DPYSL2: variants seen among roughly 807,000 people sequenced by gnomAD.
DPYSL2 encodes dihydropyrimidinase-related protein 2.
A neutral mutation model predicts 69.9 loss-of-function variants in DPYSL2; 13 were observed. The ratio of observed to expected loss-of-function variants is 0.19; its 90% CI spans 0.12 to 0.30. The LOEUF is 0.30. DPYSL2 is among the 10% of genes least tolerant of loss of function. The pLI is 1.00. For synonymous variants in DPYSL2, 326 were observed against 359.1 expected (o/e 0.91, Z 1.04); for missense variants, 587 against 918.9 (o/e 0.64, Z 4.67).
chr8:26,558,452 T>C (rs1801023767), intron 1 of DPYSL2, among the ~76,000 whole-genome samples: 1 of 152,108 alleles, frequency 6.6e-6, no homozygotes, highest in African/African-American at 2.4e-5. Context: ...AGAGCAATAG[T>C]AGGTAGAGCA....
intron 1 of DPYSL2, among the ~76,000 whole-genome samples, chr8:26,554,460 G>A (rs968110257): frequency 6.6e-6 from 1 of 150,922 alleles, no homozygotes. Flanking sequence ...TTCCCATTCT[G>A]TAAGTTGTCT....
At chr8:26,538,794 C>T (rs1042535489) in intron 1 of DPYSL2, among the ~76,000 whole-genome samples, 16 of 152,202 alleles carry the variant, frequency 1.1e-4, no homozygotes, top group Non-Finnish European at 2.1e-4. Flanking sequence ...AGTGTATTTA[C>T]ATGCCAGACC....
intron 1 of DPYSL2, among the ~76,000 whole-genome samples, chr8:26,522,145 C>T (rs937523244): frequency 2.6e-5 from 4 of 152,118 alleles, no homozygotes; most frequent in Non-Finnish European, 5.9e-5. Flanking sequence ...CCATCTCTAC[C>T]GAAAATACAA....
chr8:26,602,138 A>ATTTTTTTTTTTT (rs374443692), intron 3 of DPYSL2, among the ~76,000 whole-genome samples: 5 of 135,300 alleles, frequency 3.7e-5, no homozygotes, highest in Non-Finnish European at 4.7e-5. Context: ...AACAAAGGAA[A>ATTTTTTTTTTTT]TTTTTTTTTT....
chr8:26,602,268 T>C (rs1182895811), intron 3 of DPYSL2, among the ~76,000 whole-genome samples: 1 of 151,990 alleles, frequency 6.6e-6, no homozygotes, highest in Non-Finnish European at 1.5e-5. Context: ...GTTAGCTTAA[T>C]ACAGGAAAAC....
At chr8:26,515,080 G>A (rs576944639) in intron 1 of DPYSL2, among the ~76,000 whole-genome samples, 11 of 152,348 alleles carry the variant, frequency 7.2e-5, no homozygotes, top group African/African-American at 2.4e-4. Flanking sequence ...AGAGCGTGCG[G>A]TGGAGGCTTT....
At chr8:26,578,769 G>A (rs966348248) in intron 1 of DPYSL2, among the ~76,000 whole-genome samples, 1 of 152,192 alleles carries the variant, frequency 6.6e-6, no homozygotes, top group African/African-American at 2.4e-5. Flanking sequence ...AGCCTTCTCC[G>A]GGTCCTTGGA....
intron 1 of DPYSL2, among the ~76,000 whole-genome samples, chr8:26,557,864 C>T (rs1247253195): frequency 5.9e-5 from 9 of 151,830 alleles, no homozygotes; most frequent in Admixed American, 5.9e-4. Flanking sequence ...AACATTCATC[C>T]TGGATTTTCA....
At position 26,654,144 on chromosome 8, in the gene DPYSL2, A is replaced by G. The variant is rs1162178608; in HGVS notation, c.1942+747A>G. 6.6e-6 allele frequency among the ~76,000 whole-genome samples: 1 copy of G among 152,164 alleles called. No homozygotes were observed. Among genetic ancestry groups the G allele is most frequent in the Non-Finnish European group, 1.5e-5 (1 of 68,034 alleles). On this transcript the variant is annotated intron_variant, in intron 13 of 13. Coordinates refer to ENST00000521913, the MANE Select transcript of DPYSL2 (RefSeq NM_001197293.3). This position sits in a 1 kb window ranked among gnomAD's most constrained non-coding sequence, Gnocchi z 5.0. ...GTCTCCTCACCTGTATAATGGCAAT[A>G]ATAGTAGTTGCTCCCCCGTGAGGTT...
rs1801788045 is a variant in DPYSL2 at position 26,593,524 on chromosome 8, T to C, written c.628+9541T>C. Among the ~76,000 whole-genome samples the C allele has an allele frequency of 1.3e-5, 2 of 152,238 alleles. No individual in the cohort carries two copies. Among genetic ancestry groups the C allele is most frequent in the Non-Finnish European group, 2.9e-5 (2 of 68,038 alleles). On this transcript the variant is annotated intron_variant, in intron 3 of 13. Transcript: ENST00000521913. This position sits in a 1 kb window ranked among gnomAD's most constrained non-coding sequence, Gnocchi z 5.7. Reference sequence around the variant, plus strand: ...GAAGGGAGTGGGATCACACTGTTGCTATCTGGCCAGGGTGGAGTCTACAGC... The same window carrying C: ...GAAGGGAGTGGGATCACACTGTTGCCATCTGGCCAGGGTGGAGTCTACAGC...
chr8:26,600,872 T>C (rs986463015), intron 3 of DPYSL2, among the ~76,000 whole-genome samples: 3 of 152,228 alleles, frequency 2.0e-5, no homozygotes, highest in African/African-American at 7.2e-5. Context: ...AATCCTGTTT[T>C]GCTCCCTTTT....
intron 3 of DPYSL2, among the ~76,000 whole-genome samples, chr8:26,606,100 G>A (rs1237671142): frequency 6.6e-6 from 1 of 152,164 alleles, no homozygotes; most frequent in African/African-American, 2.4e-5. Flanking sequence ...AGCTCCAGAA[G>A]AGACAGCTAT....
intron 1 of DPYSL2, among the ~76,000 whole-genome samples, chr8:26,520,417 A>AT (rs997661683): frequency 1.3e-5 from 2 of 149,576 alleles, no homozygotes; most frequent in South Asian, 4.2e-4. Context: ...GATATTAATT[A>AT]TTTTTTCTCA....
In DPYSL2 at chr8:26,515,127, G is replaced by A. The variant is rs534843304; in HGVS notation, c.354+448G>A. Among the ~76,000 whole-genome samples, 752 of 152,234 alleles carry A rather than the reference G, an allele frequency of 4.9e-3. 4 individuals are homozygous for A. Among genetic ancestry groups the A allele is most frequent in the Non-Finnish European group, 8.3e-3 (564 of 68,010 alleles). On this transcript the variant is annotated intron_variant, in intron 1 of 13. Transcript: ENST00000521913. ...CGCGGCTCCCCGGTGGTCGGGAGGG[G>A]CGGGGGTTCGGACGGCCGCTCCCTA...
At chr8:26,622,453 TGTGTGTGTGTGTG>T (rs1489728426) in intron 3 of DPYSL2, among the ~76,000 whole-genome samples, 1 of 103,150 alleles carries the variant, frequency 9.7e-6, no homozygotes, top group East Asian at 2.6e-4. Flanking sequence ...ATTGTATGTG[TGTGTGTGTGTGTG>T]TGTGTGTATA....
chr8:26,537,775 A>G (rs571324937), intron 1 of DPYSL2, among the ~76,000 whole-genome samples: 2 of 152,244 alleles, frequency 1.3e-5, no homozygotes, highest in Admixed American at 6.5e-5. Flanking sequence ...GAAAATTCAC[A>G]TTGATACAAT....
At chr8:26,531,000 A>G (rs1487099517) in intron 1 of DPYSL2, among the ~76,000 whole-genome samples, 1 of 151,486 alleles carries the variant, frequency 6.6e-6, no homozygotes, top group Non-Finnish European at 1.5e-5. Flanking sequence ...TTGAGGCTGC[A>G]ATGAGCCCTG....
intron 1 of DPYSL2, among the ~76,000 whole-genome samples, chr8:26,568,575 G>A (rs1801188196): frequency 6.6e-6 from 1 of 152,156 alleles, no homozygotes; most frequent in Non-Finnish European, 1.5e-5. Context: ...AGCATTCACA[G>A]ACTAAGCTAA....
chr8:26,550,074 A>G (rs1800848188), intron 1 of DPYSL2, among the ~76,000 whole-genome samples: 1 of 152,248 alleles, frequency 6.6e-6, no homozygotes, highest in Non-Finnish European at 1.5e-5. Flanking sequence ...CCAAAATAAC[A>G]ATAGAAACAA....
Sources: gnomAD v4.1 joint callset for allele counts (sites outside exome capture counted in the v4.1 genomes callset) on GRCh38, gnomAD v4.1.1 for gene constraint, Gnocchi (gnomAD v3.1) non-coding constraint, MANE v1.5 for transcripts, NCBI Gene and HGNC (gene_info 2026-07-23, HGNC 2026-07-21) for gene names.